Variants in VSIG4 observed in about 807,000 individuals in gnomAD.
The protein encoded by VSIG4 is V-set and immunoglobulin domain-containing protein 4.
VSIG4 carries 34 observed loss-of-function variants against 23.4 expected under a neutral mutation model. The ratio of observed to expected loss-of-function variants is 1.45; its 90% CI spans 1.10 to 1.93. VSIG4 has a LOEUF of 1.93. VSIG4 is among the 30% of genes most tolerant of loss of function. VSIG4 has a pLI of 0.00. For missense variants in VSIG4, 433 were observed against 310.8 expected, an observed-to-expected ratio of 1.39 and a Z score of -2.96; for synonymous variants, 169 against 120.3, an observed-to-expected ratio of 1.41 and a Z score of -2.65.
At chrX:66,036,178 T>C (rs1337856103) in intron 1 of VSIG4, among the ~76,000 whole-genome samples, 1 of 110,776 alleles carries the variant, frequency 9.0e-6, no homozygotes, top group Non-Finnish European at 1.9e-5. Flanking sequence ...CCACTCATTG[T>C]TCCATTATGC....
At chrX:66,023,532 G>A (rs780179802) in intron 6 of VSIG4, among the ~76,000 whole-genome samples, 3 of 112,532 alleles carry the variant, frequency 2.7e-5, no homozygotes, top group Non-Finnish European at 5.6e-5. Flanking sequence ...CAGGACTTCT[G>A]CCTTATGGTA....
intron 3 of VSIG4, among the ~76,000 whole-genome samples, chrX:66,029,933 G>A (rs2085445129): frequency 9.0e-6 from 1 of 111,682 alleles, no homozygotes; most frequent in African/African-American, 3.3e-5. Context: ...TCAGACTACA[G>A]GTGATATTTG....
intron 3 of VSIG4, among the ~76,000 whole-genome samples, chrX:66,030,135 A>G (rs1417265315): frequency 1.8e-5 from 2 of 111,778 alleles, no homozygotes; most frequent in African/African-American, 6.5e-5. Context: ...GCAGTGATTA[A>G]AAGAATATTG....
chrX:66,028,320 G>A (rs1370951902), intron 3 of VSIG4, among the ~76,000 whole-genome samples: 1 of 111,406 alleles, frequency 9.0e-6, no homozygotes, highest in African/African-American at 3.3e-5. Flanking sequence ...AGGATTAATA[G>A]ATCTCGAAGG....
At chrX:66,031,344 A>T (rs1373990884) in intron 3 of VSIG4, among the ~76,000 whole-genome samples, 1 of 109,584 alleles carries the variant, frequency 9.1e-6, no homozygotes, top group Non-Finnish European at 1.9e-5. Context: ...GAGAACTGGG[A>T]CACTGTTCAT....
In VSIG4 at chrX:66,022,325, G is replaced by C; in HGVS notation, c.1138C>G (p.Leu380Val). ...TAATCCAGAGGAACTGTGTCCAGCA[G>C]GCGGGCGTAGTTGCCATTGATCTGG... is the stretch of plus-strand genomic sequence containing the variant. ...IAQINGNYAR[L>V]LDTVPLDYEF... Residue 380 changes from leucine to valine, a missense_variant, in exon 8 of 8, where the codon CTG (leucine) becomes GTG (valine). By Grantham distance (32) the Leu-to-Val change is conservative. Transcript: ENST00000374737. 1.6e-6 allele frequency: 2 copies of C among 1,212,193 alleles called. No homozygotes were observed. The highest frequency in any genetic ancestry group is 1.1e-6 in the Non-Finnish European group (1 of 895,577).
At chrX:66,036,393 T>A (rs1322903806) in intron 1 of VSIG4, among the ~76,000 whole-genome samples, 1 of 105,461 alleles carries the variant, frequency 9.5e-6, no homozygotes, top group Non-Finnish European at 1.9e-5. Context: ...TTCCTTGTAG[T>A]TCCCCTAGAA....
intron 1 of VSIG4, among the ~76,000 whole-genome samples, chrX:66,039,507 C>A (rs188520063): frequency 9.0e-6 from 1 of 111,602 alleles, no homozygotes; most frequent in East Asian, 2.8e-4. Flanking sequence ...GTATAGGTTA[C>A]TTCTATAGTC....
chrX:66,025,738 T>C (rs1211539476), intron 5 of VSIG4, among the ~76,000 whole-genome samples: 3 of 112,207 alleles, frequency 2.7e-5, no homozygotes, highest in Non-Finnish European at 5.6e-5. Flanking sequence ...CTGGAACCTG[T>C]CAGTATGTTA....
chrX:66,030,720 G>T (rs1325431064), intron 3 of VSIG4, among the ~76,000 whole-genome samples: 3 of 111,714 alleles, frequency 2.7e-5, no homozygotes, highest in African/African-American at 9.8e-5. Context: ...GTGCTGAAAA[G>T]CTGCTATGAG....
rs1429223777 is a variant in VSIG4, at chrX:66,032,577, G to A, written c.585C>T (p.Thr195=). The change falls in exon 3 of 8, where the codon ACC becomes ACT. Residue 195 remains threonine, a synonymous_variant. Transcript: ENST00000374737. ...QEPIKVATLS[T]LLFKPAVIAD... Reference sequence around the variant, plus strand: ...CTATCACCGCAGGCTTGAAGAGTAAGGTACTTAGGGTTGCTACTTTGATGG... The same window carrying A: ...CTATCACCGCAGGCTTGAAGAGTAAAGTACTTAGGGTTGCTACTTTGATGG... 13 of 1,209,757 alleles carry A rather than the reference G, an allele frequency of 1.1e-5. No homozygotes were observed. The South Asian group carries it at 2.1e-4, about 20-fold the overall frequency.
intron 5 of VSIG4, among the ~76,000 whole-genome samples, chrX:66,025,486 G>A (rs1393683086): frequency 2.7e-5 from 3 of 112,151 alleles, no homozygotes; most frequent in Non-Finnish European, 3.8e-5. Flanking sequence ...ACCTTATTAA[G>A]ATTCTGGTCA....
rs142891800 is a variant in VSIG4, at chrX:66,032,518, C to T, written c.644G>A (p.Gly215Asp). 6 of 1,210,307 alleles carry T rather than the reference C, an allele frequency of 5.0e-6. No individual in the cohort carries two copies. Among genetic ancestry groups the T allele is most frequent in the African/African-American group, 1.7e-5 (1 of 57,261 alleles). The part of the protein sequence containing the change: ...DSGSYFCTAK[G>D]QVGSEQHSDI... ...GCTGTGCTGCTCAGAGCCAACCTGG[C>T]CCTTGGCAGTGCAGAAATAGGAGCC... Residue 215 changes from glycine (G) to aspartate (D), a missense_variant, in exon 3 of 8, where the codon GGC becomes GAC. Coordinates refer to ENST00000374737, the MANE Select transcript of VSIG4 (RefSeq NM_007268.3).
Position 66,022,431 on chromosome X carries a change from G to A in VSIG4, c.1032C>T (p.Ser344=). 8.3e-7 allele frequency: 1 copy of A among 1,211,995 alleles called. No homozygotes were observed. Among genetic ancestry groups the A allele is most frequent in the East Asian group, 3.0e-5 (1 of 33,770 alleles). ...GATTCTGGGAAGTTGGCTCATCACT[G>A]GAGCAGCCACTTGCGAAGATGGCCA... ...MRVAIFASGC[S]SDEPTSQNLG... is the part of the protein sequence containing the mutation. The change falls in exon 8 of 8, where the codon TCC becomes TCT. Residue 344 remains serine (S), a synonymous_variant. Transcript: ENST00000374737.
At chrX:66,038,802 G>A (rs1056753409) in intron 1 of VSIG4, among the ~76,000 whole-genome samples, 4 of 111,251 alleles carry the variant, frequency 3.6e-5, no homozygotes, top group African/African-American at 1.3e-4. Flanking sequence ...AGAGTGTGAT[G>A]GGTCACAGAG....
chrX:66,025,070 A>T lies in VSIG4; in HGVS notation c.895T>A (p.Phe299Ile). The T allele has an allele frequency of 8.3e-7, 1 of 1,207,484 alleles. No homozygotes were observed. Among genetic ancestry groups the T allele is most frequent in the East Asian group, 3.0e-5 (1 of 33,608 alleles). ...LIISLCCMVV[F>I]TMAYIMLCRK... Reference sequence around the variant, plus strand: ...CAGAGCATGATATAGGCCATGGTAAAAACCACCATACAGCACAAGGAGATG... The same window carrying T: ...CAGAGCATGATATAGGCCATGGTAATAACCACCATACAGCACAAGGAGATG... The change falls in exon 6 of 8, where the codon TTT becomes ATT. Residue 299 changes from phenylalanine to isoleucine, a missense_variant. Phe to Ile is a conservative substitution (Grantham distance 21, BLOSUM62 0). Transcript: ENST00000374737.
intron 1 of VSIG4, among the ~76,000 whole-genome samples, chrX:66,034,778 T>TG (rs1569243856): frequency 4.0e-5 from 1 of 25,253 alleles, no homozygotes; most frequent in African/African-American, 1.3e-4. Context: ...GGGGTGGGGG[T>TG]GGGGAAGGAG....
At chrX:66,035,071 T>A (rs954013807) in intron 1 of VSIG4, among the ~76,000 whole-genome samples, 2 of 111,325 alleles carry the variant, frequency 1.8e-5, no homozygotes, top group African/African-American at 6.5e-5. Flanking sequence ...CAGAATATAC[T>A]GTCCAGCATC....
chrX:66,031,525 C>T (rs1422699676), intron 3 of VSIG4, among the ~76,000 whole-genome samples: 1 of 110,475 alleles, frequency 9.1e-6, no homozygotes, highest in Non-Finnish European at 1.9e-5. Context: ...GCCATTTGGG[C>T]TAGGTTTACG....
Sources: gnomAD v4.1 joint callset for allele counts (sites outside exome capture counted in the v4.1 genomes callset) on GRCh38, gnomAD v4.1.1 for gene constraint, MANE v1.5 for transcripts, NCBI Gene and HGNC (gene_info 2026-07-23, HGNC 2026-07-21) for gene names.